Variants in SOX6 observed in about 807,000 individuals in gnomAD.
SOX6 encodes the protein transcription factor SOX-6.
Under a neutral mutation model 97.8 loss-of-function variants are expected in SOX6, and 11 were observed. The observed-to-expected ratio is 0.11, with a 90% CI of 0.07 to 0.19. The LOEUF (loss-of-function observed/expected upper bound fraction) is 0.19. Among genes scored for constraint, SOX6 ranks in the 10% least tolerant of loss-of-function variants. SOX6 has a pLI of 1.00. For synonymous variants in SOX6, 360 were observed against 371.4 expected (o/e 0.97, Z 0.35); for missense variants, 810 against 1,039.5 (o/e 0.78, Z 3.04).
chr11:16,615,176 A>G (rs549690228), intron 3 of SOX6, among the ~76,000 whole-genome samples: 1 of 152,164 alleles, frequency 6.6e-6, no homozygotes, highest in Non-Finnish European at 1.5e-5. Context: ...AATTATAGAA[A>G]CACCTGTGCT....
intron 4 of SOX6, among the ~76,000 whole-genome samples, chr11:16,555,654 A>G (rs1847741120): frequency 6.6e-6 from 1 of 151,704 alleles, no homozygotes; most frequent in Non-Finnish European, 1.5e-5. Flanking sequence ...ATACAAAAAT[A>G]CAATTAGAAG....
At chr11:16,522,459 C>T (rs1482955899) in intron 4 of SOX6, among the ~76,000 whole-genome samples, 1 of 151,916 alleles carries the variant, frequency 6.6e-6, no homozygotes, top group South Asian at 2.1e-4. Flanking sequence ...CAGGCCTGCC[C>T]TAAAAGAGCT....
intron 4 of SOX6, among the ~76,000 whole-genome samples, chr11:16,571,973 C>G (rs376171061): frequency 3.3e-5 from 5 of 152,128 alleles, no homozygotes; most frequent in African/African-American, 1.2e-4. Context: ...TTTTTTTAAA[C>G]AACTGTTTTC....
chr11:16,558,423 A>G (rs1297038767), intron 4 of SOX6, among the ~76,000 whole-genome samples: 1 of 152,028 alleles, frequency 6.6e-6, no homozygotes, highest in Admixed American at 6.6e-5. Context: ...ATACCATTCA[A>G]GTCCTGCTGA....
At chr11:16,442,829 G>A (rs1859531077) in intron 1 of SOX6, among the ~76,000 whole-genome samples, 1 of 152,114 alleles carries the variant, frequency 6.6e-6, no homozygotes, top group African/African-American at 2.4e-5. Flanking sequence ...TAAAAAGTAT[G>A]TGTCAGGAGA....
At position 16,517,942 on chromosome 11, in the gene SOX6, C is replaced by A. The variant is rs780975360; in HGVS notation, n.610-41554G>T. Among the ~76,000 whole-genome samples, 46 of 152,286 alleles carry A rather than the reference C, an allele frequency of 3.0e-4. 1 individual carries two copies. The highest frequency in any genetic ancestry group is 6.2e-4 in the Non-Finnish European group (42 of 68,022). ...ACTGCCCTTGACTAACCCCTTACTG[C>A]CTCTCAACTAAACTTCTAAACAGCC... is the stretch of plus-strand genomic sequence containing the variant. On this transcript the variant is annotated intron_variant and non_coding_transcript_variant, in intron 4 of 5. Coordinates refer to the SOX6 transcript ENST00000524520.
chr11:16,125,962 T>C (rs550446503), intron 6 of SOX6, among the ~76,000 whole-genome samples: 1 of 152,250 alleles, frequency 6.6e-6, no homozygotes, highest in African/African-American at 2.4e-5. Flanking sequence ...AACTGTATTT[T>C]TCCTATTGGA....
chr11:16,130,580 A>T (rs1849715896), intron 6 of SOX6, among the ~76,000 whole-genome samples: 1 of 152,030 alleles, frequency 6.6e-6, no homozygotes, highest in Admixed American at 6.6e-5. Context: ...CCTCAAACTG[A>T]TTTATAGATT....
chr11:16,323,066 C>T (rs950192595), intron 2 of SOX6, among the ~76,000 whole-genome samples: 8 of 152,084 alleles, frequency 5.3e-5, no homozygotes. Context: ...CAACCCCTAA[C>T]TTCAGCAGCC....
chr11:16,530,220 T>C (rs749941844), intron 4 of SOX6, among the ~76,000 whole-genome samples: 47 of 152,040 alleles, frequency 3.1e-4, no homozygotes, highest in Non-Finnish European at 8.8e-5. Context: ...TTTTTAAGGA[T>C]CAAGAGAGAT....
intron 4 of SOX6, among the ~76,000 whole-genome samples, chr11:16,528,448 C>T (rs1861198101): frequency 6.6e-6 from 1 of 152,128 alleles, no homozygotes; most frequent in Non-Finnish European, 1.5e-5. Context: ...GGCTAGGGTC[C>T]CAGTCCACGA....
chr11:16,425,290 A>C (rs1240908745), intron 1 of SOX6, among the ~76,000 whole-genome samples: 1 of 152,190 alleles, frequency 6.6e-6, no homozygotes, highest in Non-Finnish European at 1.5e-5. Context: ...AGGTAAATAC[A>C]CCTTGATTCC....
intron 3 of SOX6, among the ~76,000 whole-genome samples, chr11:16,672,110 T>C (rs920051452): frequency 6.6e-6 from 1 of 152,196 alleles, no homozygotes; most frequent in Non-Finnish European, 1.5e-5. Flanking sequence ...AGGGAGTTTG[T>C]TACCATCAGA....
intron 9 of SOX6, among the ~76,000 whole-genome samples, chr11:16,084,983 T>C (rs908919234): frequency 6.6e-6 from 1 of 152,172 alleles, no homozygotes; most frequent in African/African-American, 2.4e-5. Flanking sequence ...AAGTGAAGAA[T>C]TTCCACCCAA....
At chr11:16,210,590 T>C (rs1454074428) in intron 4 of SOX6, among the ~76,000 whole-genome samples, 1 of 152,136 alleles carries the variant, frequency 6.6e-6, no homozygotes, top group Non-Finnish European at 1.5e-5. Context: ...TCTTGCAGTA[T>C]AAACTAACTA....
chr11:16,516,933 A>T (rs1317065496), intron 4 of SOX6, among the ~76,000 whole-genome samples: 1 of 146,656 alleles, frequency 6.8e-6, no homozygotes, highest in Non-Finnish European at 1.5e-5. Flanking sequence ...TCCTCAATAA[A>T]ATACTGGCAA....
At chr11:16,264,091 T>G (rs1853991435) in intron 3 of SOX6, among the ~76,000 whole-genome samples, 1 of 151,920 alleles carries the variant, frequency 6.6e-6, no homozygotes, top group African/African-American at 2.4e-5. Flanking sequence ...GTATATTTAG[T>G]ATGAGAAATA....
At chr11:16,039,356 G>A (rs1373780779) in intron 12 of SOX6, among the ~76,000 whole-genome samples, 1 of 152,024 alleles carries the variant, frequency 6.6e-6, no homozygotes, top group East Asian at 1.9e-4. Flanking sequence ...TGTTTGATCA[G>A]TGAAAACTGT....
chr11:16,231,703 G>T (rs1852856449), intron 4 of SOX6, among the ~76,000 whole-genome samples: 1 of 146,862 alleles, frequency 6.8e-6, no homozygotes, highest in African/African-American at 2.7e-5. Context: ...CAAAATAGGT[G>T]CTCTTTAAAC....
Sources: allele counts gnomAD v4.1 joint callset (sites outside exome capture counted in the v4.1 genomes callset), GRCh38; gene constraint gnomAD v4.1.1; transcripts MANE v1.5; gene names NCBI Gene and HGNC (gene_info 2026-07-23, HGNC 2026-07-21).